The following STARD13 variants were observed in gnomAD, a reference collection of about 807,000 sequenced individuals.
STARD13 encodes the protein StAR related lipid transfer domain containing 13.
A neutral mutation model predicts 106.4 loss-of-function variants in STARD13; 62 were observed. The ratio of observed to expected loss-of-function variants is 0.58; its 90% CI spans 0.48 to 0.72. STARD13 has a LOEUF of 0.72. Among genes scored for constraint, STARD13 ranks in the 30% least tolerant of loss-of-function variants. The pLI is 0.00. For synonymous variants in STARD13, 565 were observed against 553.0 expected (o/e 1.02, Z -0.31); for missense variants, 1,387 against 1,424.0 (o/e 0.97, Z 0.42).
chr13:33,288,705 T>A (rs1414446949), upstream of STARD13, among the ~76,000 whole-genome samples: 2 of 152,012 alleles, frequency 1.3e-5, no homozygotes, highest in Admixed American at 1.3e-4. Context: ...AAGGATCACA[T>A]ATCAACATTT....
intron 1 of STARD13, among the ~76,000 whole-genome samples, chr13:33,311,543 G>C (rs1893138698): frequency 6.6e-6 from 1 of 152,194 alleles, no homozygotes; most frequent in South Asian, 2.1e-4. Context: ...GCAAAATGCA[G>C]ATAGGAGATG....
chr13:33,136,644 C>A (rs1879093749), intron 4 of STARD13, among the ~76,000 whole-genome samples: 1 of 152,194 alleles, frequency 6.6e-6, no homozygotes, highest in South Asian at 2.1e-4. Context: ...AGGCACTCCC[C>A]CATTCTGAGC....
chr13:33,553,835 C>G, the STARD13 span, among the ~76,000 whole-genome samples: 1 of 152,076 alleles, frequency 6.6e-6, no homozygotes, highest in East Asian at 1.9e-4. Flanking sequence ...GCCTCAGCCT[C>G]CCAAAGTGCT....
chr13:33,542,121 A>G, the STARD13 span, among the ~76,000 whole-genome samples: 1 of 152,232 alleles, frequency 6.6e-6, no homozygotes, highest in Non-Finnish European at 1.5e-5. Context: ...TTTCTTAAAT[A>G]ATTTGAAAAT....
At chr13:33,266,019 A>G (rs1247634124) in intron 1 of STARD13, among the ~76,000 whole-genome samples, 1 of 152,224 alleles carries the variant, frequency 6.6e-6, no homozygotes, top group Non-Finnish European at 1.5e-5. Context: ...CTTTATCACC[A>G]TAGTTAAGAT....
At chr13:33,668,679 C>T in the STARD13 span, among the ~76,000 whole-genome samples, 6 of 152,170 alleles carry the variant, frequency 3.9e-5, no homozygotes, top group African/African-American at 1.4e-4. Flanking sequence ...AGATGATGCT[C>T]ACCGCTAGTT....
chr13:33,618,641 C>T, the STARD13 span, among the ~76,000 whole-genome samples: 1 of 152,014 alleles, frequency 6.6e-6, no homozygotes, highest in Non-Finnish European at 1.5e-5. Context: ...GCCAGATTTG[C>T]TCTCTGGCAT....
intron 1 of STARD13, among the ~76,000 whole-genome samples, chr13:33,218,592 G>T (rs1243531652): frequency 6.6e-6 from 1 of 152,110 alleles, no homozygotes; most frequent in Non-Finnish European, 1.5e-5. Context: ...TAATTCCAAA[G>T]CCCACACTAT....
chr13:33,318,392 G>A (rs1893423671), intron 1 of STARD13, among the ~76,000 whole-genome samples: 1 of 152,124 alleles, frequency 6.6e-6, no homozygotes, highest in African/African-American at 2.4e-5. Flanking sequence ...GCAAAAGAAT[G>A]AAGTTAAACC....
chr13:33,389,029 C>A, the STARD13 span, among the ~76,000 whole-genome samples: 4 of 148,794 alleles, frequency 2.7e-5, no homozygotes, highest in Non-Finnish European at 5.9e-5. Context: ...AACCTTGGCT[C>A]ACTGCAACCT....
At chr13:33,654,456 A>G in the STARD13 span, among the ~76,000 whole-genome samples, 1 of 151,862 alleles carries the variant, frequency 6.6e-6, no homozygotes, top group Non-Finnish European at 1.5e-5. Context: ...TGGTTGCCAG[A>G]GCCTGGGGAA....
chr13:33,311,196 C>A (rs977100041), intron 1 of STARD13, among the ~76,000 whole-genome samples: 1 of 151,334 alleles, frequency 6.6e-6, no homozygotes, highest in African/African-American at 2.4e-5. Flanking sequence ...ACTCGGGAGG[C>A]TGAGGCGGGA....
At chr13:33,254,529 T>C (rs1890244290) in intron 1 of STARD13, among the ~76,000 whole-genome samples, 1 of 152,174 alleles carries the variant, frequency 6.6e-6, no homozygotes, top group African/African-American at 2.4e-5. Flanking sequence ...ACAAAGGCCC[T>C]ACCATCAAGC....
chr13:33,650,168 T>G, the STARD13 span, among the ~76,000 whole-genome samples: 35 of 16,460 alleles, frequency 2.1e-3, 4 homozygotes, highest in African/African-American at 0.016. Flanking sequence ...ACTCCAATTT[T>G]TTTTTTTTTT....
At chr13:33,403,573 A>G in the STARD13 span, among the ~76,000 whole-genome samples, 3 of 152,330 alleles carry the variant, frequency 2.0e-5, no homozygotes, top group Admixed American at 6.5e-5. Flanking sequence ...TTTGAAAAGA[A>G]ACGTAATAGG....
At position 33,209,172 on chromosome 13, in the gene STARD13, G is replaced by C. The variant is rs190156210; in HGVS notation, c.170-41550C>G. Among the ~76,000 whole-genome samples the C allele has an allele frequency of 1.6e-3, 237 of 152,274 alleles. 2 individuals carry two copies. The highest frequency in any genetic ancestry group is 0.01 in the Middle Eastern group (3 of 294). On this transcript the variant is annotated intron_variant, in intron 1 of 13. Coordinates refer to ENST00000336934, the MANE Select transcript of STARD13 (RefSeq NM_178006.4). ...GTGTGTTACCCCCATATTGGCACCT[G>C]CGTTCCCCAGGACCAGGACAACCTA... is the stretch of plus-strand genomic sequence containing the variant.
chr13:33,128,365 A>G (rs1162942907), intron 5 of STARD13, among the ~76,000 whole-genome samples: 2 of 152,132 alleles, frequency 1.3e-5, no homozygotes, highest in Non-Finnish European at 2.9e-5. Context: ...CACAAGACAC[A>G]CCCTTGCCTC....
chr13:33,341,446 C>T (rs972640458), intron 1 of STARD13, among the ~76,000 whole-genome samples: 3 of 151,952 alleles, frequency 2.0e-5, no homozygotes, highest in Admixed American at 6.6e-5. Flanking sequence ...AGACCAACCT[C>T]GCTAACATGG....
chr13:33,545,308 G>A, the STARD13 span, among the ~76,000 whole-genome samples: 2 of 151,734 alleles, frequency 1.3e-5, no homozygotes, highest in Non-Finnish European at 2.9e-5. Context: ...TGTTAGCCAG[G>A]ATGATCTCGA....
Sources: gnomAD v4.1 joint callset for allele counts (sites outside exome capture counted in the v4.1 genomes callset) on GRCh38, gnomAD v4.1.1 for gene constraint, MANE v1.5 for transcripts, NCBI Gene and HGNC (gene_info 2026-07-23, HGNC 2026-07-21) for gene names.